CHN2: variants seen among roughly 807,000 people sequenced by gnomAD.
CHN2 encodes beta-chimaerin.
Under a neutral mutation model 56.3 loss-of-function variants are expected in CHN2, and 35 were observed. The observed-to-expected ratio is 0.62, with a 90% CI of 0.47 to 0.82. CHN2 has a LOEUF of 0.82. Ranked by LOEUF, CHN2 falls within the 40% of genes least tolerant of loss-of-function variation. The probability of loss-of-function intolerance (pLI) is 0.00; values close to 1 mark genes in which losing one functional copy is unlikely to be tolerated. For missense variants in CHN2, 491 were observed against 580.5 expected (o/e 0.85, Z 1.58); for synonymous variants, 210 against 212.8 (o/e 0.99, Z 0.12).
At chr7:29,189,045 G>T (rs1187280200) in intron 2 of CHN2, among the ~76,000 whole-genome samples, 2 of 151,378 alleles carry the variant, frequency 1.3e-5, no homozygotes, top group African/African-American at 4.9e-5. Flanking sequence ...CTGCCTCCTG[G>T]GTTCAAGCAA....
At chr7:29,355,364 TATC>T (rs1798214426) in intron 2 of CHN2, among the ~76,000 whole-genome samples, 1 of 152,288 alleles carries the variant, frequency 6.6e-6, no homozygotes, top group Non-Finnish European at 1.5e-5. Context: ...AAGGATAAAA[TATC>T]ATATGACATC....
At chr7:29,378,476 T>C (rs1456423463) in intron 3 of CHN2, among the ~76,000 whole-genome samples, 1 of 152,208 alleles carries the variant, frequency 6.6e-6, no homozygotes, top group African/African-American at 2.4e-5. Flanking sequence ...TGGAGACTGT[T>C]TTGGTAAATA....
chr7:29,180,544 A>C (rs1387307204), intron 2 of CHN2, among the ~76,000 whole-genome samples: 2 of 112,732 alleles, frequency 1.8e-5, no homozygotes, highest in East Asian at 3.4e-4. Context: ...ACTCCATCTC[A>C]AAAAAAAAAA....
chr7:29,422,260 T>C (rs1229506595), intron 6 of CHN2, among the ~76,000 whole-genome samples: 8 of 152,206 alleles, frequency 5.3e-5, no homozygotes, highest in Admixed American at 5.2e-4. Context: ...GTGGAACCTC[T>C]TTCAGCCTGA....
At chr7:29,303,234 G>T (rs1391992254) in intron 1 of CHN2, among the ~76,000 whole-genome samples, 1 of 152,176 alleles carries the variant, frequency 6.6e-6, no homozygotes, top group Non-Finnish European at 1.5e-5. Flanking sequence ...TTCATGATAC[G>T]CTTGATGCAT....
At chr7:29,452,425 C>T (rs1784467825) in intron 6 of CHN2, among the ~76,000 whole-genome samples, 1 of 152,194 alleles carries the variant, frequency 6.6e-6, no homozygotes, top group African/African-American at 2.4e-5. Flanking sequence ...TTAAAAATTG[C>T]AGCTCACTTT....
In CHN2 at chr7:29,456,128, C is replaced by A. The variant is rs140042816; in HGVS notation, c.577-24151C>A. ...TTTCTCAGTCTGACAAATGCTTGCC[C>A]TTCCTTCAAGGCTCATCTCAATGCC... is the stretch of plus-strand genomic sequence containing the variant. On this transcript the variant is annotated intron_variant, in intron 6 of 12. Coordinates refer to ENST00000222792, the MANE Select transcript of CHN2 (RefSeq NM_004067.4). Among the ~76,000 whole-genome samples the A allele has an allele frequency of 1.4e-4, 22 of 152,308 alleles. No homozygotes were observed. The East Asian group carries it at 3.1e-3, about 21-fold the overall frequency.
At chr7:29,405,699 C>T (rs1438086961) in intron 6 of CHN2, among the ~76,000 whole-genome samples, 1 of 152,232 alleles carries the variant, frequency 6.6e-6, no homozygotes, top group African/African-American at 2.4e-5. Flanking sequence ...TTGTCCTTTA[C>T]AGATGAACTG....
intron 2 of CHN2, among the ~76,000 whole-genome samples, chr7:29,174,275 G>C (rs957910718): frequency 6.6e-6 from 1 of 152,188 alleles, no homozygotes; most frequent in African/African-American, 2.4e-5. Context: ...GCCTCTGGAG[G>C]GGGGCCAGCA....
intron 1 of CHN2, among the ~76,000 whole-genome samples, chr7:29,318,339 G>A (rs1393549347): frequency 6.6e-6 from 1 of 152,196 alleles, no homozygotes; most frequent in Non-Finnish European, 1.5e-5. Context: ...CACACAATAA[G>A]GACAGAGTTG....
chr7:29,472,590 A>G (rs1310387895), intron 6 of CHN2, among the ~76,000 whole-genome samples: 1 of 151,390 alleles, frequency 6.6e-6, no homozygotes, highest in Non-Finnish European at 1.5e-5. Context: ...GGGCCAAGGG[A>G]AAAAAAAAGA....
intron 5 of CHN2, chr7:29,400,228 T>TA (rs1482636625): frequency 2.6e-6 from 1 of 384,608 alleles, no homozygotes; most frequent in African/African-American, 2.0e-5. Context: ...ACAATGACCT[T>TA]AGTGATTTCT....
At chr7:29,313,743 C>G (rs1393446040) in intron 1 of CHN2, among the ~76,000 whole-genome samples, 3 of 152,310 alleles carry the variant, frequency 2.0e-5, no homozygotes, top group African/African-American at 7.2e-5. Flanking sequence ...TCCTTCTTCT[C>G]CCCTCTGGCT....
rs997437412 is a variant in CHN2 at position 29,374,008 on chromosome 7, T to C, written c.144+6021T>C. Reference sequence around the variant, plus strand: ...CAAGGTATGTCTTAAAGTAATGAGATTGATTCTACAAGCCACAAACAAAAA... The same window carrying C: ...CAAGGTATGTCTTAAAGTAATGAGACTGATTCTACAAGCCACAAACAAAAA... On this transcript the variant is annotated intron_variant, in intron 3 of 12. Transcript: ENST00000222792. 8.5e-5 allele frequency among the ~76,000 whole-genome samples: 13 copies of C among 152,360 alleles called. No individual in the cohort carries two copies. The South Asian group carries it at 1.7e-3, about 19-fold the overall frequency.
chr7:29,404,945 G>T (rs1445086246), intron 6 of CHN2, among the ~76,000 whole-genome samples: 1 of 151,888 alleles, frequency 6.6e-6, no homozygotes, highest in Non-Finnish European at 1.5e-5. Context: ...ATCACTGATT[G>T]CCTTTGAAGA....
At chr7:29,268,006 G>A (rs969367264) in intron 1 of CHN2, among the ~76,000 whole-genome samples, 1 of 152,160 alleles carries the variant, frequency 6.6e-6, no homozygotes, top group African/African-American at 2.4e-5. Context: ...CCACTGAGGA[G>A]ACTGAATATT....
intron 6 of CHN2, among the ~76,000 whole-genome samples, chr7:29,460,464 C>T (rs538456098): frequency 2.8e-4 from 42 of 152,320 alleles, no homozygotes; most frequent in African/African-American, 7.5e-4. Flanking sequence ...AAAGGCAAAG[C>T]GCTGTCTTGA....
At chr7:29,236,903 A>C (rs1236281555) in intron 1 of CHN2, among the ~76,000 whole-genome samples, 1 of 152,186 alleles carries the variant, frequency 6.6e-6, no homozygotes, top group African/African-American at 2.4e-5. Context: ...TTGTGATTAC[A>C]TTAGGCTCAC....
At chr7:29,202,769 A>G (rs1784254961) in intron 1 of CHN2, among the ~76,000 whole-genome samples, 1 of 152,232 alleles carries the variant, frequency 6.6e-6, no homozygotes, top group African/African-American at 2.4e-5. Context: ...CAAGGAAGTG[A>G]AACCTAGCGC....
Sources: allele counts gnomAD v4.1 joint callset (sites outside exome capture counted in the v4.1 genomes callset), GRCh38; gene constraint gnomAD v4.1.1; transcripts MANE v1.5; gene names NCBI Gene and HGNC (gene_info 2026-07-23, HGNC 2026-07-21).